AKAP10: variants seen among roughly 807,000 people sequenced by gnomAD.
The protein encoded by AKAP10 is A-kinase anchoring protein 10.
In AKAP10, 24 loss-of-function variants were observed where a neutral mutation model predicts 80.8. The ratio of observed to expected loss-of-function variants is 0.30; its 90% confidence interval spans 0.22 to 0.42. AKAP10 has a LOEUF of 0.42. Among genes scored for constraint, AKAP10 ranks in the 10% least tolerant of loss-of-function variants. The pLI, the probability that AKAP10 is intolerant of heterozygous loss-of-function variation, is 1.00. For synonymous variants in AKAP10, 291 were observed against 277.7 expected (o/e 1.05, Z -0.48); for missense variants, 661 against 794.9 (o/e 0.83, Z 2.03).
intron 4 of AKAP10, among the ~76,000 whole-genome samples, chr17:19,952,103 A>G (rs938489112): frequency 6.6e-6 from 1 of 151,312 alleles, no homozygotes; most frequent in African/African-American, 2.4e-5. Context: ...AAATAATTAT[A>G]CTAAAATTTA....
chr17:19,945,645 C>G (rs1297379126), intron 5 of AKAP10, among the ~76,000 whole-genome samples: 2 of 152,094 alleles, frequency 1.3e-5, no homozygotes, highest in South Asian at 2.1e-4. Context: ...ATGACATGGA[C>G]CCCAGAATAG....
Position 19,904,975 on chromosome 17 carries a change from A to G in AKAP10, c.*1252T>C, listed in dbSNP as rs2042617114. On this transcript the variant is annotated 3_prime_UTR_variant, in exon 15 of 15. Transcript: ENST00000225737. The stretch of plus-strand genomic sequence containing the variant: ...GGAATAAATTCTCTGTTCATTCAAG[A>G]CTTTCTCAAGGACAAAAGTGATTAA... 1 of 149,532 alleles carries G rather than the reference A, an allele frequency of 6.7e-6. No individual in the cohort carries two copies. The highest frequency in any genetic ancestry group is 6.8e-5 in the Admixed American group (1 of 14,788). 9.3% of individuals were successfully genotyped at this position (149,532 alleles called of 1,614,324 possible). A position where few individuals can be genotyped will look rare whatever the true frequency, so the allele number is the denominator to read the frequency against.
At chr17:19,922,257 A>G (rs2042825816) in intron 11 of AKAP10, among the ~76,000 whole-genome samples, 1 of 152,202 alleles carries the variant, frequency 6.6e-6, no homozygotes, top group African/African-American at 2.4e-5. Context: ...TCAATATATC[A>G]GTTTATTTTA....
At chr17:19,946,254 T>C (rs1358325597) in intron 5 of AKAP10, among the ~76,000 whole-genome samples, 3 of 24,816 alleles carry the variant, frequency 1.2e-4, no homozygotes, top group Non-Finnish European at 2.2e-4. Flanking sequence ...TATATATATA[T>C]ATATATATAT....
intron 4 of AKAP10, among the ~76,000 whole-genome samples, chr17:19,951,189 GT>G (rs1458499269): frequency 2.7e-4 from 30 of 113,142 alleles, no homozygotes; most frequent in South Asian, 5.1e-4. Flanking sequence ...GAGGTGGGGG[GT>G]CAGCCCCCGC....
At chr17:19,946,146 T>C (rs1280247601) in intron 5 of AKAP10, among the ~76,000 whole-genome samples, 15 of 122,702 alleles carry the variant, frequency 1.2e-4, no homozygotes, top group Admixed American at 1.9e-4. Flanking sequence ...TATTATATAT[T>C]AGTATATATA....
chr17:19,933,874 A>C (rs2042964627), intron 9 of AKAP10, among the ~76,000 whole-genome samples: 1 of 152,182 alleles, frequency 6.6e-6, no homozygotes, highest in Admixed American at 6.5e-5. Flanking sequence ...CTAGTTCATT[A>C]GAAGAATAAA....
At chr17:19,926,609 G>A (rs986290706) in intron 10 of AKAP10, among the ~76,000 whole-genome samples, 1 of 152,134 alleles carries the variant, frequency 6.6e-6, no homozygotes, top group Non-Finnish European at 1.5e-5. Context: ...AAAATCACTT[G>A]TATTTCTATG....
chr17:19,917,014 C>T (rs2042751875), intron 12 of AKAP10, among the ~76,000 whole-genome samples: 2 of 151,960 alleles, frequency 1.3e-5, no homozygotes, highest in East Asian at 1.9e-4. Flanking sequence ...CCTGTAACTC[C>T]AGCACTTTGC....
At position 19,905,034 on chromosome 17, in the gene AKAP10, T is replaced by TC. The variant is rs953502306; in HGVS notation, c.*1192_*1193insG. ...TATTTATACATATATATATATATTT[T>TC]TTTTTTTGCAAAGTCTGAGCAAAAG... On this transcript the variant is annotated 3_prime_UTR_variant, in exon 15 of 15. Transcript: ENST00000225737. 5 of 150,018 alleles carry TC rather than the reference T, an allele frequency of 3.3e-5. No homozygotes were observed. Among genetic ancestry groups the TC allele is most frequent in the African/African-American group, 1.2e-4 (5 of 41,180 alleles). 9.3% of individuals were successfully genotyped at this position (150,018 alleles called of 1,614,324 possible). A position where few individuals can be genotyped will look rare whatever the true frequency, so the allele number is the denominator to read the frequency against.
intron 4 of AKAP10, 44 bp downstream of exon 4, chr17:19,957,970 G>GA (rs1311501324): frequency 6.6e-7 from 1 of 1,512,918 alleles, no homozygotes; most frequent in African/African-American, 1.4e-5. Flanking sequence ...ATTAAAAAAA[G>GA]AAAGTGAGAC....
At chr17:19,961,962 A>T (rs772184777) in intron 3 of AKAP10, among the ~76,000 whole-genome samples, 1 of 152,056 alleles carries the variant, frequency 6.6e-6, no homozygotes, top group Non-Finnish European at 1.5e-5. Flanking sequence ...CAAAAAATTA[A>T]AAAATTATCT....
chr17:19,957,915 A>C, intron 4 of AKAP10, 99 bp downstream of exon 4: 1 of 1,310,178 alleles, frequency 7.6e-7, no homozygotes, highest in South Asian at 1.5e-5. Context: ...GGAGAAAAAA[A>C]ATATTCCAAT....
chr17:19,906,032 T>C lies in AKAP10; in HGVS notation c.*195A>G. ...CTTTAAGACTCTCACTGTGTGAACA[T>C]CATGTGCATCAATTATGCCTACAGG... On this transcript the variant is annotated 3_prime_UTR_variant, in exon 15 of 15. Transcript: ENST00000225737. 1 of 580,316 alleles carries C rather than the reference T, an allele frequency of 1.7e-6. No homozygotes were observed. Among genetic ancestry groups the C allele is most frequent in the Non-Finnish European group, 3.1e-6 (1 of 326,404 alleles). 35.9% of individuals were successfully genotyped at this position (580,316 alleles called of 1,614,324 possible). A position where few individuals can be genotyped will look rare whatever the true frequency, so the allele number is the denominator to read the frequency against.
intron 2 of AKAP10, 82 bp downstream of exon 2, chr17:19,968,328 AAGAG>A (rs1405278996): frequency 2.9e-6 from 3 of 1,034,228 alleles, no homozygotes; most frequent in South Asian, 3.1e-5. Flanking sequence ...TTAATGCCAA[AAGAG>A]AGAGTATAAC....
chr17:19,922,801 G>A (rs1352827848), intron 11 of AKAP10, among the ~76,000 whole-genome samples: 1 of 152,162 alleles, frequency 6.6e-6, no homozygotes, highest in Non-Finnish European at 1.5e-5. Context: ...TTGGGAGGAT[G>A]AGGCAGAAGA....
chr17:19,927,669 G>A (rs918436088), intron 10 of AKAP10, among the ~76,000 whole-genome samples: 2 of 152,086 alleles, frequency 1.3e-5, no homozygotes, highest in African/African-American at 2.4e-5. Flanking sequence ...CCAGCACTTC[G>A]GGAGGCCAAG....
intron 1 of AKAP10, among the ~76,000 whole-genome samples, chr17:19,972,019 T>C (rs1986760): frequency 0.054 from 8,282 of 152,264 alleles, 294 homozygotes; most frequent in Non-Finnish European, 0.083. Flanking sequence ...GGCAGGAGAA[T>C]TGCTTGAACC....
At chr17:19,942,001 C>A in intron 5 of AKAP10, 91 bp from the exon 6 acceptor site, 1 of 981,314 alleles carries the variant, frequency 1.0e-6, no homozygotes, top group Non-Finnish European at 1.4e-6. Flanking sequence ...ACAGCACAGG[C>A]ATATAAATTA....
Sources: allele counts gnomAD v4.1 joint callset (sites outside exome capture counted in the v4.1 genomes callset), GRCh38; gene constraint gnomAD v4.1.1; transcripts MANE v1.5; gene names NCBI Gene and HGNC (gene_info 2026-07-23, HGNC 2026-07-21).